Variants in KCNJ6 observed in about 807,000 individuals in gnomAD.
KCNJ6 encodes G protein-activated inward rectifier potassium channel 2.
Under a neutral mutation model 34.2 loss-of-function variants are expected in KCNJ6, and 9 were observed. That is an observed-to-expected ratio of 0.26 (90% CI 0.16 to 0.46). The LOEUF is 0.46. Among genes scored for constraint, KCNJ6 ranks in the 20% least tolerant of loss-of-function variants. The probability of loss-of-function intolerance (pLI) is 1.00; values close to 1 mark genes in which losing one functional copy is unlikely to be tolerated. For synonymous variants in KCNJ6, 196 were observed against 207.1 expected (o/e 0.95, Z 0.46); for missense variants, 236 against 531.3 (o/e 0.44, Z 5.46).
intron 3 of KCNJ6, among the ~76,000 whole-genome samples, chr21:37,707,731 G>GTGTGTGTGTGTGTA (rs1556022152): frequency 6.6e-5 from 10 of 151,056 alleles, no homozygotes; most frequent in South Asian, 2.1e-4. Context: ...GCATGTGTGT[G>GTGTGTGTGTGTGTA]TGTGAATAAT....
chr21:37,653,749 C>G lies in KCNJ6; in HGVS notation c.947-28265G>C, dbSNP rs149155316. Among the ~76,000 whole-genome samples the G allele has an allele frequency of 4.3e-4, 65 of 152,294 alleles. 2 individuals carry two copies. In the East Asian group the frequency reaches 8.7e-3, roughly 20 times the overall value. On this transcript the variant is annotated intron_variant, in intron 3 of 3. Coordinates refer to ENST00000609713, the MANE Select transcript of KCNJ6 (RefSeq NM_002240.5). ...CTGAGCAAAGTATTAGTTTAATTAT[C>G]TTGCCTTTCTTATTCTCTGATGTAC...
At chr21:37,785,597 A>G (rs1227931119) in intron 2 of KCNJ6, among the ~76,000 whole-genome samples, 2 of 152,336 alleles carry the variant, frequency 1.3e-5, no homozygotes, top group South Asian at 4.1e-4. Flanking sequence ...TCCTTCATTG[A>G]GTGTCCATTC....
At chr21:37,765,043 C>T (rs1156766784) in intron 2 of KCNJ6, among the ~76,000 whole-genome samples, 2 of 152,042 alleles carry the variant, frequency 1.3e-5, no homozygotes, top group Non-Finnish European at 2.9e-5. Context: ...TTAAATAAGG[C>T]TATTTTCAAA....
intron 1 of KCNJ6, among the ~76,000 whole-genome samples, chr21:37,882,178 TCTA>T (rs1349205051): frequency 6.6e-6 from 1 of 152,234 alleles, no homozygotes; most frequent in Non-Finnish European, 1.5e-5. Context: ...TTTTTAATTC[TCTA>T]CTGTGTGCCC....
At chr21:37,731,100 AGTGTGT>A (rs113587330) in intron 2 of KCNJ6, among the ~76,000 whole-genome samples, 3,591 of 134,738 alleles carry the variant, frequency 0.027, 133 homozygotes, top group African/African-American at 0.085. Flanking sequence ...AGATGAGAGA[AGTGTGT>A]GTGTGTGTGT....
intron 2 of KCNJ6, among the ~76,000 whole-genome samples, chr21:37,728,993 G>A (rs2054870084): frequency 1.3e-5 from 2 of 152,176 alleles, no homozygotes; most frequent in African/African-American, 4.8e-5. Context: ...CCCTTGAGCT[G>A]TTGTGACTAG....
chr21:37,737,371 C>T (rs2054918554), intron 2 of KCNJ6, among the ~76,000 whole-genome samples: 2 of 152,180 alleles, frequency 1.3e-5, no homozygotes, highest in African/African-American at 4.8e-5. Context: ...TCCTTTTTCT[C>T]TCAGCTTGGG....
intron 1 of KCNJ6, among the ~76,000 whole-genome samples, chr21:37,845,958 C>T (rs975020348): frequency 6.6e-6 from 1 of 152,042 alleles, no homozygotes; most frequent in African/African-American, 2.4e-5. Context: ...AAAAGGCATT[C>T]ATAGACACAT....
rs1052921922 is a variant in KCNJ6, at chr21:37,624,887, G to T, written c.*272C>A. ...AGGTAAGTAACTGAAATCTCCAGGA[G>T]TTGGATGTGTAGTATTTTGGGAGGA... On this transcript the variant is annotated 3_prime_UTR_variant, in exon 4 of 4. Transcript: ENST00000609713. The T allele has an allele frequency of 8.2e-6, 4 of 485,272 alleles. No homozygotes were observed. Among genetic ancestry groups the T allele is most frequent in the Non-Finnish European group, 1.5e-5 (4 of 273,280 alleles). 30.1% of individuals were successfully genotyped at this position (485,272 alleles called of 1,614,324 possible). A position where few individuals can be genotyped will look rare whatever the true frequency, so the allele number is the denominator to read the frequency against.
intron 2 of KCNJ6, among the ~76,000 whole-genome samples, chr21:37,822,803 A>T (rs1209535719): frequency 6.6e-6 from 1 of 152,198 alleles, no homozygotes; most frequent in Non-Finnish European, 1.5e-5. Context: ...ATCACTTTTA[A>T]TAAATATTTA....
intron 1 of KCNJ6, among the ~76,000 whole-genome samples, chr21:37,842,625 A>G (rs188432995): frequency 6.6e-6 from 1 of 152,294 alleles, no homozygotes; most frequent in African/African-American, 2.4e-5. Flanking sequence ...TATTTAGCCT[A>G]CCACTTGGGT....
At chr21:37,774,014 A>G (rs1424969984) in intron 2 of KCNJ6, among the ~76,000 whole-genome samples, 3 of 152,026 alleles carry the variant, frequency 2.0e-5, no homozygotes, top group Admixed American at 2.0e-4. Context: ...AGAACTTAAA[A>G]CTGCTCTCTA....
intron 2 of KCNJ6, among the ~76,000 whole-genome samples, chr21:37,788,414 C>T (rs2055201794): frequency 6.6e-6 from 1 of 152,118 alleles, no homozygotes; most frequent in South Asian, 2.1e-4. Context: ...TATTCGTCCC[C>T]CCACATTTGC....
intron 2 of KCNJ6, among the ~76,000 whole-genome samples, chr21:37,822,645 A>G (rs1442648205): frequency 6.6e-6 from 1 of 152,218 alleles, no homozygotes; most frequent in Non-Finnish European, 1.5e-5. Flanking sequence ...GCCTGCTCAC[A>G]TAGACAAGTG....
At chr21:37,914,241 A>G (rs1413895184) in intron 1 of KCNJ6, among the ~76,000 whole-genome samples, 2 of 152,138 alleles carry the variant, frequency 1.3e-5, no homozygotes, top group African/African-American at 4.8e-5. Context: ...TGATATCCAG[A>G]TTCTGCACGA....
Position 37,663,375 on chromosome 21 carries a change from A to T in KCNJ6, c.947-37891T>A, listed in dbSNP as rs531947223. ...GCCTAATAGTTTTCCCAAATGTTTA[A>T]GGAGTATGTGAGCAAAAAAGTTGAA... On this transcript the variant is annotated intron_variant, in intron 3 of 3. Coordinates refer to ENST00000609713, the MANE Select transcript of KCNJ6 (RefSeq NM_002240.5). 9.2e-5 allele frequency among the ~76,000 whole-genome samples: 14 copies of T among 152,300 alleles called. No individual in the cohort carries two copies. The East Asian group carries it at 2.7e-3, about 29-fold the overall frequency.
intron 2 of KCNJ6, among the ~76,000 whole-genome samples, chr21:37,718,818 TA>T (rs967124241): frequency 2.6e-5 from 4 of 152,062 alleles, no homozygotes; most frequent in Non-Finnish European, 5.9e-5. Context: ...AGTATAATAA[TA>T]AAAAAAAAAT....
At chr21:37,804,696 G>A (rs1188533519) in intron 2 of KCNJ6, among the ~76,000 whole-genome samples, 3 of 152,120 alleles carry the variant, frequency 2.0e-5, no homozygotes, top group South Asian at 2.1e-4. Context: ...TCCTGCATTA[G>A]CTTGGTAAGG....
intron 3 of KCNJ6, among the ~76,000 whole-genome samples, chr21:37,703,387 GT>G (rs2054701929): frequency 6.6e-6 from 1 of 152,090 alleles, no homozygotes; most frequent in African/African-American, 2.4e-5. Context: ...GGAAATGGTC[GT>G]GAGAAGATGC....
Sources: allele counts gnomAD v4.1 joint callset (sites outside exome capture counted in the v4.1 genomes callset), GRCh38; gene constraint gnomAD v4.1.1; transcripts MANE v1.5; gene names NCBI Gene and HGNC (gene_info 2026-07-23, HGNC 2026-07-21).